PKHD1: variants seen among roughly 807,000 people sequenced by gnomAD.
PKHD1 encodes the protein fibrocystin.
A neutral mutation model predicts 412.0 loss-of-function variants in PKHD1; 291 were observed. The ratio of observed to expected loss-of-function variants is 0.71; its 90% CI spans 0.64 to 0.78. The LOEUF (loss-of-function observed/expected upper bound fraction) is 0.78. PKHD1 is among the 30% of genes least tolerant of loss of function. PKHD1 has a pLI of 0.00. For missense variants in PKHD1, 4,825 were observed against 4,950.7 expected, an observed-to-expected ratio of 0.97 and a Z score of 0.76; for synonymous variants, 1,777 against 1,821.5, an observed-to-expected ratio of 0.98 and a Z score of 0.62.
At chr6:51,740,137 C>A (rs1784390038) in intron 60 of PKHD1, 2 of 440,280 alleles carry the variant, frequency 4.5e-6, no homozygotes, top group Non-Finnish European at 9.2e-6. Context: ...CTGTCTTGCT[C>A]TCTACTGTTA....
At chr6:51,984,505 A>T (rs1339681143) in intron 35 of PKHD1, among the ~76,000 whole-genome samples, 8 of 152,264 alleles carry the variant, frequency 5.3e-5, no homozygotes, top group Admixed American at 5.2e-4. Flanking sequence ...TCTAAAATTT[A>T]TTAAAACAAA....
chr6:51,986,700 A>T (rs1796261920), intron 35 of PKHD1, among the ~76,000 whole-genome samples: 1 of 152,230 alleles, frequency 6.6e-6, no homozygotes, highest in South Asian at 2.1e-4. Context: ...ATGGCTTGGT[A>T]TTTTGACGGA....
intron 43 of PKHD1, among the ~76,000 whole-genome samples, chr6:51,887,824 T>C (rs1228879093): frequency 6.6e-6 from 1 of 152,228 alleles, no homozygotes; most frequent in Admixed American, 6.5e-5. Flanking sequence ...TATTTCTTTA[T>C]AGCAATGCGA....
chr6:51,952,464 A>C (rs1211878739), intron 36 of PKHD1, among the ~76,000 whole-genome samples: 1 of 152,194 alleles, frequency 6.6e-6, no homozygotes, highest in Non-Finnish European at 1.5e-5. Flanking sequence ...TGCTGGCAAC[A>C]CAAAGGTGAG....
In PKHD1 at chr6:52,001,907, C is replaced by T. The variant is rs569222742; in HGVS notation, c.5751+8402G>A. On this transcript the variant is annotated intron_variant, in intron 35 of 66. Transcript: ENST00000371117. ...GGCATAACAATTTACAGAGTACTCA[C>T]AGACTGATTATCTTTCATAATTGTG... is the stretch of plus-strand genomic sequence containing the variant. 3.3e-5 allele frequency among the ~76,000 whole-genome samples: 5 copies of T among 152,294 alleles called. No homozygotes were observed. The South Asian group carries it at 1.0e-3, about 32-fold the overall frequency.
At chr6:51,842,136 T>C (rs1770316923) in intron 50 of PKHD1, among the ~76,000 whole-genome samples, 1 of 152,208 alleles carries the variant, frequency 6.6e-6, no homozygotes, top group Non-Finnish European at 1.5e-5. Context: ...TGGCTAGACA[T>C]GTCCTTTTTT....
intron 33 of PKHD1, among the ~76,000 whole-genome samples, chr6:52,022,366 T>G (rs1168131504): frequency 6.6e-6 from 1 of 152,224 alleles, no homozygotes; most frequent in Admixed American, 6.5e-5. Flanking sequence ...AATTTTCAAG[T>G]GATATCCAGC....
At chr6:51,791,421 TA>T in intron 52 of PKHD1, 48 bp from the exon 53 acceptor site, 1 of 1,585,086 alleles carries the variant, frequency 6.3e-7, no homozygotes, top group Non-Finnish European at 8.7e-7. Context: ...AAACAAGAAT[TA>T]CGTGTTTATT....
At chr6:51,977,497 A>C (rs1433003204) in intron 35 of PKHD1, among the ~76,000 whole-genome samples, 1 of 152,136 alleles carries the variant, frequency 6.6e-6, no homozygotes, top group Non-Finnish European at 1.5e-5. Flanking sequence ...CATTCTTTCA[A>C]AGCCAGGTCA....
intron 49 of PKHD1, among the ~76,000 whole-genome samples, chr6:51,851,697 G>A (rs918590191): frequency 3.9e-5 from 6 of 152,154 alleles, no homozygotes; most frequent in African/African-American, 1.4e-4. Context: ...TATTTGCATA[G>A]ACATGTTTAT....
rs184168838 is a variant in PKHD1, at chr6:51,816,288, T to C, written c.8302+14573A>G. Among the ~76,000 whole-genome samples, 270 of 152,310 alleles carry C rather than the reference T, an allele frequency of 1.8e-3. 3 individuals carry two copies. Among genetic ancestry groups the C allele is most frequent in the African/African-American group, 6.0e-3 (248 of 41,578 alleles). On this transcript the variant is annotated intron_variant, in intron 52 of 66. Transcript: ENST00000371117. ...TTCAGTAAGTCATCATTCAAACCTA[T>C]GTTGGAAGCCCCCTACTTACTTAGA...
Position 52,058,402 on chromosome 6 carries a change from A to G in PKHD1, c.1433T>C (p.Leu478Pro). The G allele has an allele frequency of 6.2e-7, 1 of 1,614,168 alleles. No individual in the cohort carries two copies. Among genetic ancestry groups the G allele is most frequent in the Non-Finnish European group, 8.5e-7 (1 of 1,180,002 alleles). Reference protein sequence around the residue: ...RIGVQIHNTWLNPDVVTTYLR... With the variant: ...RIGVQIHNTWPNPDVVTTYLR... ...GTAAGTGGTGACCACATCAGGATTC[A>G]GCCAGGTGTTGTGAATCTGGACACC... The change falls in exon 16 of 67, where the codon CTG (leucine) becomes CCG (proline). Residue 478 changes from leucine (L) to proline (P), a missense_variant. Coordinates refer to ENST00000371117, the MANE Select transcript of PKHD1 (RefSeq NM_138694.4).
intron 61 of PKHD1, among the ~76,000 whole-genome samples, chr6:51,654,607 T>C (rs1771511496): frequency 1.3e-5 from 2 of 150,946 alleles, no homozygotes; most frequent in East Asian, 2.0e-4. Flanking sequence ...ACAGCAACAA[T>C]AGATTACAAT....
chr6:51,670,644 G>C (rs545364315), intron 60 of PKHD1, among the ~76,000 whole-genome samples: 5 of 151,964 alleles, frequency 3.3e-5, no homozygotes. Context: ...TCCTAGTCTC[G>C]ATGGTCTTTA....
At chr6:52,084,741 A>G in intron 2 of PKHD1, 141 bp downstream of exon 2, 2 of 728,924 alleles carry the variant, frequency 2.7e-6, no homozygotes, top group Non-Finnish European at 5.1e-6. Flanking sequence ...CAGTATTTTT[A>G]ACTCAATTTT....
rs541697943 is a variant in PKHD1, at chr6:52,085,536, C to T, written c.-84-519G>A. On this transcript the variant is annotated intron_variant, in intron 1 of 66. Coordinates refer to ENST00000371117, the MANE Select transcript of PKHD1 (RefSeq NM_138694.4). ...CGTGGCCTCAGGAGATCCTGGCGCA[C>T]CTTCGTGGTGCTGCTCAGGAGCCCC... Among the ~76,000 whole-genome samples the T allele has an allele frequency of 2.4e-4, 37 of 152,282 alleles. 1 individual carries two copies. In the South Asian group the frequency reaches 7.0e-3, roughly 29 times the overall value.
chr6:51,738,813 C>T (rs183896913), intron 60 of PKHD1, among the ~76,000 whole-genome samples: 1 of 152,204 alleles, frequency 6.6e-6, no homozygotes, highest in African/African-American at 2.4e-5. Flanking sequence ...TGGCTGCTCC[C>T]TCTGCCTGGA....
At chr6:51,670,420 T>C (rs935425032) in intron 60 of PKHD1, among the ~76,000 whole-genome samples, 2 of 151,830 alleles carry the variant, frequency 1.3e-5, no homozygotes, top group African/African-American at 4.8e-5. Flanking sequence ...CTCCATCCTT[T>C]TATTTTGAGC....
chr6:51,915,926 G>A (rs1783735982), intron 37 of PKHD1, among the ~76,000 whole-genome samples: 1 of 152,000 alleles, frequency 6.6e-6, no homozygotes. Context: ...GTGAGAGTTG[G>A]GGGCCTCAGA....
Sources: gnomAD v4.1 joint callset for allele counts (sites outside exome capture counted in the v4.1 genomes callset) on GRCh38, gnomAD v4.1.1 for gene constraint, MANE v1.5 for transcripts, NCBI Gene and HGNC (gene_info 2026-07-23, HGNC 2026-07-21) for gene names.